Variants in FANCM observed in about 807,000 individuals in gnomAD.
The protein encoded by FANCM is FA complementation group M.
Under a neutral mutation model 199.5 loss-of-function variants are expected in FANCM, and 140 were observed. The ratio of observed to expected loss-of-function variants is 0.70; its 90% CI spans 0.61 to 0.81. The LOEUF (loss-of-function observed/expected upper bound fraction) is 0.81, where lower values mean the gene tolerates loss of function less well. FANCM is among the 30% of genes least tolerant of loss of function. FANCM has a pLI of 0.00. For missense variants in FANCM, 2,410 were observed against 2,421.4 expected, an observed-to-expected ratio of 1.00 and a Z score of 0.10; for synonymous variants, 840 against 836.8, an observed-to-expected ratio of 1.00 and a Z score of -0.07.
At chr14:45,137,705 G>T (rs1001032394) in intron 2 of FANCM, 2 of 173,004 alleles carry the variant, frequency 1.2e-5, no homozygotes, top group Non-Finnish European at 2.5e-5. Context: ...AGATGAAGTA[G>T]TGGGATGTGG....
chr14:45,194,847 C>G (rs7145397), intron 20 of FANCM, among the ~76,000 whole-genome samples: 1 of 150,622 alleles, frequency 6.6e-6, no homozygotes, highest in African/African-American at 2.5e-5. Flanking sequence ...AGCCTCGCTC[C>G]GTAGCCCAGG....
At chr14:45,185,407 A>T in intron 18 of FANCM, 34 bp downstream of exon 18, 8 of 1,345,458 alleles carry the variant, frequency 5.9e-6, no homozygotes, top group Non-Finnish European at 7.3e-6. Flanking sequence ...AATTTTTTTC[A>T]ATGTTTTTAT....
At chr14:45,166,218 A>G (rs890256543) in intron 10 of FANCM, among the ~76,000 whole-genome samples, 2 of 151,352 alleles carry the variant, frequency 1.3e-5, no homozygotes, top group African/African-American at 4.9e-5. Flanking sequence ...TGCAACCTCC[A>G]TCTCCTGAGT....
intron 8 of FANCM, among the ~76,000 whole-genome samples, chr14:45,155,854 C>G (rs760133032): frequency 1.1e-4 from 16 of 150,714 alleles, no homozygotes; most frequent in Non-Finnish European, 1.8e-4. Context: ...TTAGTTTATT[C>G]TAACATTTCT....
chr14:45,151,504 G>T lies in FANCM; in HGVS notation c.1026G>T (p.Arg342Ser), dbSNP rs1186720446. 2 of 1,612,786 alleles carry T rather than the reference G, an allele frequency of 1.2e-6. No homozygotes were observed. Among genetic ancestry groups the T allele is most frequent in the South Asian group, 2.2e-5 (2 of 91,050 alleles). The change falls in exon 5 of 23, where the codon AGG (arginine) becomes AGT (serine). Residue 342 changes from arginine to serine, a missense_variant. Physicochemically the swap from Arg to Ser is moderately radical, Grantham distance 110. Transcript: ENST00000267430. ...TAATTCTGGCAAGAGATCAGTTTAG[G>T]AAAAACCCATCTCCGAATATTGTGG... ...YQIILARDQF[R>S]KNPSPNIVGI...
intron 19 of FANCM, among the ~76,000 whole-genome samples, chr14:45,188,493 G>A (rs1251615799): frequency 6.6e-6 from 1 of 152,032 alleles, no homozygotes; most frequent in Admixed American, 6.6e-5. Flanking sequence ...GTTCAGCTTG[G>A]TAATGTGTAC....
At chr14:45,159,001 G>A (rs970545008) in intron 8 of FANCM, 95 bp from the exon 9 acceptor site, 16 of 764,750 alleles carry the variant, frequency 2.1e-5, no homozygotes, top group Admixed American at 8.4e-5. Flanking sequence ...ATTATCATTC[G>A]TTAGCATTAA....
chr14:45,139,184 T>G (rs1168690020), intron 2 of FANCM, among the ~76,000 whole-genome samples: 1 of 152,202 alleles, frequency 6.6e-6, no homozygotes, highest in Non-Finnish European at 1.5e-5. Flanking sequence ...AAATGGTCAC[T>G]AGGGATATTT....
chr14:45,162,243 A>G (rs918232421), intron 9 of FANCM, among the ~76,000 whole-genome samples: 1 of 152,100 alleles, frequency 6.6e-6, no homozygotes, highest in African/African-American at 2.4e-5. Flanking sequence ...AAAATTAGCC[A>G]GGCATGGTGG....
intron 3 of FANCM, among the ~76,000 whole-genome samples, chr14:45,145,226 C>T (rs1187258955): frequency 1.3e-5 from 2 of 151,178 alleles, no homozygotes; most frequent in Non-Finnish European, 2.9e-5. Context: ...CTTTACTCTT[C>T]CCTCTTTTTT....
intron 8 of FANCM, among the ~76,000 whole-genome samples, chr14:45,157,853 A>G (rs1887305712): frequency 6.6e-6 from 1 of 152,246 alleles, no homozygotes; most frequent in East Asian, 1.9e-4. Flanking sequence ...GTTAACATAC[A>G]TAAAATGCGT....
Position 45,164,433 on chromosome 14 carries a change from A to G in FANCM, c.1656A>G (p.Ile552Met). The G allele has an allele frequency of 6.2e-7, 1 of 1,613,610 alleles. No homozygotes were observed. Among genetic ancestry groups the G allele is most frequent in the African/African-American group, 1.3e-5 (1 of 75,022 alleles). Residue 552 changes from isoleucine to methionine, a missense_variant, in exon 10 of 23, where the codon ATA becomes ATG. Physicochemically the swap from Ile to Met is conservative, Grantham distance 10. Transcript: ENST00000267430. ...GTGTGGGTGAAGAAGGTTTGGATAT[A>G]GGAGAAGTTGATCTTATAATATGTT... ...STCVGEEGLD[I>M]GEVDLIICFD...
rs3736772 is a variant in FANCM at position 45,196,265 on chromosome 14, C to G, written c.5434C>G (p.Pro1812Ala). ...TGGGACACATACTTCTCTTAGACTTCCGCAGGAAGGAAAAGGAACCTGTAT... is the reference window on the plus strand; with the variant it reads ...TGGGACACATACTTCTCTTAGACTTGCGCAGGAAGGAAAAGGAACCTGTAT... ...LAGTHTSLRL[P>A]QEGKGTCILV... Residue 1812 changes from proline (P) to alanine (A), a missense_variant, in exon 21 of 23, where the codon CCG becomes GCG. By Grantham distance (27) the Pro-to-Ala change is conservative. Coordinates refer to ENST00000267430, the MANE Select transcript of FANCM (RefSeq NM_020937.4). 0.11 allele frequency: 172,892 copies of G among 1,613,652 alleles called. 10,482 individuals carry two copies. The highest frequency in any genetic ancestry group is 0.2 in the South Asian group (18,218 of 91,070).
chr14:45,175,070 G>A lies in FANCM; in HGVS notation c.2317-1G>A. 1 of 1,594,270 alleles carries A rather than the reference G, an allele frequency of 6.3e-7. No homozygotes were observed. The highest frequency in any genetic ancestry group is 8.6e-7 in the Non-Finnish European group (1 of 1,163,584). On this transcript the variant is annotated splice_acceptor_variant, in intron 13 of 22. Transcript: ENST00000267430. LOFTEE classifies it high-confidence loss of function. The stretch of plus-strand genomic sequence containing the variant: ...GCTTTTTAAATTTTCCTTATTTATA[G>A]GGAGAATGCAGCTATGAATTGGAAG...
At chr14:45,148,070 G>A (rs547382254) in intron 3 of FANCM, among the ~76,000 whole-genome samples, 102 of 152,104 alleles carry the variant, frequency 6.7e-4, no homozygotes, top group African/African-American at 2.3e-3. Context: ...AGTGGCAGGC[G>A]CCTGTAATCC....
intron 21 of FANCM, among the ~76,000 whole-genome samples, chr14:45,198,245 T>G (rs1890176159): frequency 6.6e-6 from 1 of 152,128 alleles, no homozygotes; most frequent in South Asian, 2.1e-4. Context: ...AAGATGATGT[T>G]AAAATGGGTG....
intron 8 of FANCM, 64 bp from the exon 9 acceptor site, chr14:45,159,032 G>T: frequency 9.7e-7 from 1 of 1,029,014 alleles, no homozygotes; most frequent in South Asian, 1.6e-5. Context: ...TTTGTCTTTT[G>T]AACTATTTCT....
intron 10 of FANCM, among the ~76,000 whole-genome samples, chr14:45,166,132 A>T (rs575356165): frequency 5.0e-4 from 70 of 140,916 alleles, no homozygotes; most frequent in East Asian, 2.8e-3. Flanking sequence ...TTTTCTTTTT[A>T]AAAAAAAAAA....
At chr14:45,153,088 C>T (rs762128822) in intron 5 of FANCM, among the ~76,000 whole-genome samples, 1 of 152,132 alleles carries the variant, frequency 6.6e-6, no homozygotes, top group Non-Finnish European at 1.5e-5. Flanking sequence ...CAGTAGTCTT[C>T]ATCTCAAAGG....
Sources: allele counts gnomAD v4.1 joint callset (sites outside exome capture counted in the v4.1 genomes callset), GRCh38; gene constraint gnomAD v4.1.1; transcripts MANE v1.5; gene names NCBI Gene and HGNC (gene_info 2026-07-23, HGNC 2026-07-21).